Variants in FSTL4 observed in about 807,000 individuals in gnomAD.
FSTL4 encodes follistatin like 4.
A neutral mutation model predicts 78.2 loss-of-function variants in FSTL4; 28 were observed. The observed-to-expected ratio is 0.36, with a 90% CI of 0.27 to 0.49. FSTL4 has a LOEUF of 0.49. Among genes scored for constraint, FSTL4 ranks in the 20% least tolerant of loss-of-function variants. The pLI, the probability that FSTL4 is intolerant of heterozygous loss-of-function variation, is 0.98. For synonymous variants in FSTL4, 422 were observed against 440.5 expected, an observed-to-expected ratio of 0.96 and a Z score of 0.53; for missense variants, 922 against 1,084.9, an observed-to-expected ratio of 0.85 and a Z score of 2.11.
chr5:133,336,259 C>G (rs1046148701), intron 4 of FSTL4, among the ~76,000 whole-genome samples: 2 of 152,222 alleles, frequency 1.3e-5, no homozygotes, highest in African/African-American at 4.8e-5. Context: ...GGAATGAGCA[C>G]AGCCAGCCCT....
At chr5:133,840,578 C>T in the FSTL4 span, among the ~76,000 whole-genome samples, 1 of 152,204 alleles carries the variant, frequency 6.6e-6, no homozygotes, top group Non-Finnish European at 1.5e-5. Flanking sequence ...AGCTCCTGGG[C>T]CCTTGAGATG....
chr5:133,240,230 C>T (rs751398680), intron 7 of FSTL4, among the ~76,000 whole-genome samples: 2 of 152,140 alleles, frequency 1.3e-5, no homozygotes, highest in Non-Finnish European at 2.9e-5. Flanking sequence ...AGAACTGTGA[C>T]ACTCACTGCG....
At chr5:133,245,817 G>A (rs1399911823) in intron 7 of FSTL4, among the ~76,000 whole-genome samples, 1 of 152,204 alleles carries the variant, frequency 6.6e-6, no homozygotes, top group Non-Finnish European at 1.5e-5. Flanking sequence ...CTCCAGGCGA[G>A]AGGGGTACAT....
Position 133,249,431 on chromosome 5 carries a change from G to A in FSTL4, c.873C>T (p.Phe291=), listed in dbSNP as rs745472295. The A allele has an allele frequency of 6.2e-7, 1 of 1,614,020 alleles. No homozygotes were observed. Among genetic ancestry groups the A allele is most frequent in the Admixed American group, 1.7e-5 (1 of 60,022 alleles). The stretch of plus-strand genomic sequence containing the variant: ...TTACATTGATGTCTTCCAAGTCCAG[G>A]AAGTTCAGGGTGAGCCCGTTGCGCT... The part of the protein sequence containing the change: ...IWKRNGLTLN[F]LDLEDINDFG... Residue 291 remains phenylalanine, a synonymous_variant, in exon 7 of 16, where the codon TTC becomes TTT. Coordinates refer to ENST00000265342, the MANE Select transcript of FSTL4 (RefSeq NM_015082.2).
At chr5:133,623,695 G>T in the FSTL4 span, among the ~76,000 whole-genome samples, 3 of 151,888 alleles carry the variant, frequency 2.0e-5, no homozygotes, top group Non-Finnish European at 4.4e-5. Flanking sequence ...CTTATCAAGA[G>T]AATAAAAAGA....
At chr5:133,803,785 C>G in the FSTL4 span, among the ~76,000 whole-genome samples, 1 of 152,174 alleles carries the variant, frequency 6.6e-6, no homozygotes, top group Non-Finnish European at 1.5e-5. Context: ...TGTTGTCTAC[C>G]TGGTATCAGT....
intron 6 of FSTL4, among the ~76,000 whole-genome samples, chr5:133,307,222 G>C (rs996669292): frequency 6.6e-6 from 1 of 152,114 alleles, no homozygotes; most frequent in Non-Finnish European, 1.5e-5. Flanking sequence ...CAGGGCTGTG[G>C]GCACACAGAG....
the FSTL4 span, among the ~76,000 whole-genome samples, chr5:133,823,714 G>A: frequency 6.6e-6 from 1 of 152,144 alleles, no homozygotes; most frequent in Non-Finnish European, 1.5e-5. Context: ...CTTGTCTCAA[G>A]TCCCTCTGTT....
In FSTL4 at chr5:133,391,646, G is replaced by A. The variant is rs373155296; in HGVS notation, c.409+9092C>T. ...AGTTTCTCTCTGCTTACTTACCCTG[G>A]TCCAGCAACTCTGGCCCCCTTGTGA... On this transcript the variant is annotated intron_variant, in intron 4 of 15. Coordinates refer to ENST00000265342, the MANE Select transcript of FSTL4 (RefSeq NM_015082.2). Among the ~76,000 whole-genome samples the A allele has an allele frequency of 5.9e-5, 9 of 152,124 alleles. No individual in the cohort carries two copies. The East Asian group carries it at 1.7e-3, about 29-fold the overall frequency.
At chr5:133,445,035 C>T (rs574690602) in intron 3 of FSTL4, among the ~76,000 whole-genome samples, 57 of 152,350 alleles carry the variant, frequency 3.7e-4, no homozygotes, top group Admixed American at 3.7e-3. Context: ...TTGTAGCCAG[C>T]ATGTGTGAAA....
intron 3 of FSTL4, among the ~76,000 whole-genome samples, chr5:133,486,381 G>C (rs1334040149): frequency 6.7e-6 from 1 of 149,994 alleles, no homozygotes; most frequent in Non-Finnish European, 1.5e-5. Flanking sequence ...CAGGTTGGGG[G>C]AGAGGAAGAA....
rs73282049 is a variant in FSTL4, at chr5:133,326,734, G to C, written c.410-10082C>G. Among the ~76,000 whole-genome samples, 1,442 of 152,314 alleles carry C rather than the reference G, an allele frequency of 9.5e-3. 23 individuals are homozygous for C. The highest frequency in any genetic ancestry group is 0.031 in the African/African-American group (1,303 of 41,556). ...CACACTCTGGACCTTGGCTCTGTGA[G>C]CCTGGAGGGGTTTGTCCTTGTCCTA... is the stretch of plus-strand genomic sequence containing the variant. On this transcript the variant is annotated intron_variant, in intron 4 of 15. Transcript: ENST00000265342.
intron 6 of FSTL4, among the ~76,000 whole-genome samples, chr5:133,261,357 GTT>G (rs1310446861): frequency 2.3e-4 from 35 of 152,270 alleles, no homozygotes; most frequent in Admixed American, 1.4e-3. Flanking sequence ...AAGGATGTGA[GTT>G]TTAAGAACTA....
At chr5:133,388,283 T>G (rs1755753548) in intron 4 of FSTL4, among the ~76,000 whole-genome samples, 1 of 152,208 alleles carries the variant, frequency 6.6e-6, no homozygotes, top group Non-Finnish European at 1.5e-5. Context: ...GGATGGTGTA[T>G]TATTTGAACC....
At chr5:133,481,265 G>C (rs1309205929) in intron 3 of FSTL4, among the ~76,000 whole-genome samples, 1 of 152,196 alleles carries the variant, frequency 6.6e-6, no homozygotes, top group Non-Finnish European at 1.5e-5. Context: ...CATTGGTCAG[G>C]CACGGTGGTT....
At chr5:133,623,845 T>C in the FSTL4 span, among the ~76,000 whole-genome samples, 4 of 151,932 alleles carry the variant, frequency 2.6e-5, no homozygotes, top group South Asian at 2.1e-4. Context: ...AGAGAAGATA[T>C]ACAAATGGCT....
At chr5:133,702,404 C>A in the FSTL4 span, among the ~76,000 whole-genome samples, 1 of 152,106 alleles carries the variant, frequency 6.6e-6, no homozygotes, top group African/African-American at 2.4e-5. Flanking sequence ...AGCCAATAAC[C>A]CTGGAACCTC....
At chr5:133,561,578 G>A (rs1759914548) in intron 3 of FSTL4, among the ~76,000 whole-genome samples, 1 of 152,180 alleles carries the variant, frequency 6.6e-6, no homozygotes, top group Admixed American at 6.5e-5. Flanking sequence ...AGGCCAATGT[G>A]CCAGGAGAAG....
chr5:133,314,912 C>T (rs1463303057), intron 5 of FSTL4, among the ~76,000 whole-genome samples: 4 of 152,150 alleles, frequency 2.6e-5, no homozygotes, highest in East Asian at 1.9e-4. Context: ...CCTGTAATCC[C>T]AGCACTTTGA....
Sources: gnomAD v4.1 joint callset for allele counts (sites outside exome capture counted in the v4.1 genomes callset) on GRCh38, gnomAD v4.1.1 for gene constraint, MANE v1.5 for transcripts, NCBI Gene and HGNC (gene_info 2026-07-23, HGNC 2026-07-21) for gene names.